RPS6KA2: variants seen among roughly 807,000 people sequenced by gnomAD.
RPS6KA2 encodes ribosomal protein S6 kinase A2.
In RPS6KA2, 42 loss-of-function variants were observed where a neutral mutation model predicts 91.8. The ratio of observed to expected loss-of-function variants is 0.46; its 90% CI spans 0.36 to 0.59. RPS6KA2 has a LOEUF of 0.59. RPS6KA2 is among the 20% of genes least tolerant of loss of function. The probability of loss-of-function intolerance (pLI) is 0.00; values close to 1 mark genes in which losing one functional copy is unlikely to be tolerated. For missense variants in RPS6KA2, 798 were observed against 978.5 expected (o/e 0.82, Z 2.46); for synonymous variants, 414 against 393.6 (o/e 1.05, Z -0.61).
intron 2 of RPS6KA2, among the ~76,000 whole-genome samples, chr6:166,676,715 C>T (rs1274853971): frequency 6.6e-6 from 1 of 152,358 alleles, no homozygotes; most frequent in African/African-American, 2.4e-5. Flanking sequence ...CATGTTTCCA[C>T]AGCACTTACC....
At position 166,737,952 on chromosome 6, in the gene RPS6KA2, C is replaced by T. The variant is rs943577703; in HGVS notation, c.123+120248G>A. Among the ~76,000 whole-genome samples the T allele has an allele frequency of 3.9e-5, 6 of 152,170 alleles. No homozygotes were observed. The highest frequency in any genetic ancestry group is 7.2e-5 in the African/African-American group (3 of 41,436). ...AAGTAAAATAAAAATGTCATGCCATCGCTCAGAGAGAATCCTTTTAATATT... is the reference window on the plus strand; with the variant it reads ...AAGTAAAATAAAAATGTCATGCCATTGCTCAGAGAGAATCCTTTTAATATT... On this transcript the variant is annotated intron_variant, in intron 2 of 21. Coordinates refer to the RPS6KA2 transcript ENST00000503859. The surrounding 1 kb of genome is among the most constrained non-coding windows in gnomAD (Gnocchi z 4.3).
intron 14 of RPS6KA2, among the ~76,000 whole-genome samples, chr6:166,447,116 C>A (rs1779705944): frequency 6.6e-6 from 1 of 152,168 alleles, no homozygotes; most frequent in African/African-American, 2.4e-5. Flanking sequence ...CCAATCTCAA[C>A]AATCCAAATC....
rs922987280 is a variant in RPS6KA2, at chr6:166,508,992, T to C, written c.380-710A>G. ...GCTGCTGTGACGATGGTTGCTGCAG[T>C]GGCACTGGTGAGGCACCGCGTGGCA... On this transcript the variant is annotated intron_variant, in intron 4 of 20. Transcript: ENST00000265678. The surrounding 1 kb of genome is among the most constrained non-coding windows in gnomAD (Gnocchi z 4.3). Among the ~76,000 whole-genome samples the C allele has an allele frequency of 3.9e-5, 6 of 152,210 alleles. No individual in the cohort carries two copies. Among genetic ancestry groups the C allele is most frequent in the Non-Finnish European group, 1.5e-5 (1 of 68,030 alleles).
intron 3 of RPS6KA2, among the ~76,000 whole-genome samples, chr6:166,529,532 G>A (rs11962068): frequency 0.19 from 28,145 of 151,670 alleles, 2,779 homozygotes; most frequent in South Asian, 0.25. Flanking sequence ...TAACAAACCT[G>A]CACGTTGTGC....
chr6:166,427,853 A>G (rs1583118992), intron 16 of RPS6KA2, among the ~76,000 whole-genome samples: 1 of 152,382 alleles, frequency 6.6e-6, no homozygotes, highest in East Asian at 1.9e-4. Flanking sequence ...AAGAATCAAT[A>G]TCGTGAAAAT....
At chr6:166,484,857 G>A (rs1197167910) in intron 10 of RPS6KA2, among the ~76,000 whole-genome samples, 1 of 152,208 alleles carries the variant, frequency 6.6e-6, no homozygotes, top group East Asian at 1.9e-4. Context: ...CAATTCCTAT[G>A]GATACATCTG....
chr6:166,731,862 C>T (rs561335563), intron 2 of RPS6KA2, among the ~76,000 whole-genome samples: 2 of 152,168 alleles, frequency 1.3e-5, no homozygotes, highest in East Asian at 3.9e-4. Context: ...TAAAGGACTC[C>T]CCCGGGGCCA....
At chr6:166,504,267 G>A (rs1351710526) in intron 6 of RPS6KA2, among the ~76,000 whole-genome samples, 2 of 152,200 alleles carry the variant, frequency 1.3e-5, no homozygotes, top group African/African-American at 2.4e-5. Flanking sequence ...TCCCTCAGGC[G>A]TTATGAGTGT....
Position 166,409,819 on chromosome 6 carries a change from T to G in RPS6KA2, c.*2943A>C, listed in dbSNP as rs1238715553. ...GTTAGGTAAAAATCCCAAGTGCAGC[T>G]TTAGGATAACACCATTTAATGAACA... On this transcript the variant is annotated 3_prime_UTR_variant, in exon 21 of 21. Transcript: ENST00000265678. The G allele has an allele frequency of 2.0e-5, 3 of 152,646 alleles. No homozygotes were observed. The highest frequency in any genetic ancestry group is 7.2e-5 in the African/African-American group (3 of 41,458). The allele number at this position is 152,646 out of a possible 1,614,324, so 9.5% of individuals were successfully genotyped here. A position where few individuals can be genotyped will look rare whatever the true frequency, so the allele number is the denominator to read the frequency against.
At chr6:166,827,722 G>A (rs1780084680) in intron 2 of RPS6KA2, among the ~76,000 whole-genome samples, 1 of 152,176 alleles carries the variant, frequency 6.6e-6, no homozygotes, top group South Asian at 2.1e-4. Flanking sequence ...GAATTAGACT[G>A]TCTGTTGTAA....
chr6:166,637,947 G>A (rs1787300675), intron 2 of RPS6KA2, among the ~76,000 whole-genome samples: 1 of 152,268 alleles, frequency 6.6e-6, no homozygotes, highest in Non-Finnish European at 1.5e-5. Flanking sequence ...CCCTGGATGA[G>A]GAATCGTGGT....
chr6:166,834,828 CTAT>C (rs145282107), intron 2 of RPS6KA2, among the ~76,000 whole-genome samples: 86,982 of 144,570 alleles, frequency 0.6, 25,403 homozygotes, highest in Middle Eastern at 0.69. Context: ...GTATGGCGTC[CTAT>C]TATTTATTTA....
chr6:166,544,612 G>A (rs1583263855), intron 1 of RPS6KA2: 1 of 152,198 alleles, frequency 6.6e-6, no homozygotes, highest in South Asian at 2.1e-4. Flanking sequence ...TTCAAGGGAC[G>A]AGAATTCAGA....
chr6:166,751,978 T>TGG (rs1791300510), intron 2 of RPS6KA2, among the ~76,000 whole-genome samples: 1 of 151,958 alleles, frequency 6.6e-6, no homozygotes, highest in African/African-American at 2.4e-5. Flanking sequence ...GAAGCCAGAC[T>TGG]CCTTGGAGAA....
At chr6:166,862,462 T>G (rs925158102) in exon 1 of RPS6KA2, 14 of 1,107,672 alleles carry the variant, frequency 1.3e-5, no homozygotes, top group Non-Finnish European at 1.7e-5. Flanking sequence ...CCGCTCGGGC[T>G]GGGGCGAGGA....
In RPS6KA2 at chr6:166,523,973, G is replaced by A. The variant is rs566094633; in HGVS notation, c.298+7259C>T. 3.9e-5 allele frequency among the ~76,000 whole-genome samples: 6 copies of A among 152,256 alleles called. No individual in the cohort carries two copies. In the South Asian group the frequency reaches 8.3e-4, roughly 21 times the overall value. Reference sequence around the variant, plus strand: ...CTGCAGTGATCCCATCTTACAGGACGTGCTCCACTGCTTACAGGAAGGACA... The same window carrying A: ...CTGCAGTGATCCCATCTTACAGGACATGCTCCACTGCTTACAGGAAGGACA... On this transcript the variant is annotated intron_variant, in intron 3 of 20. Transcript: ENST00000265678.
rs766919757 is a variant in RPS6KA2, at chr6:166,419,457, A to G, written c.1820+425T>C. On this transcript the variant is annotated intron_variant, in intron 18 of 20. Coordinates refer to ENST00000265678, the MANE Select transcript of RPS6KA2 (RefSeq NM_021135.6). The surrounding 1 kb of genome is among the most constrained non-coding windows in gnomAD (Gnocchi z 5.6). Reference sequence around the variant, plus strand: ...CTGTAACACCACGTGTCTTACCACAATGAACCGGCCCGTGCATGACTCATG... The same window carrying G: ...CTGTAACACCACGTGTCTTACCACAGTGAACCGGCCCGTGCATGACTCATG... Among the ~76,000 whole-genome samples the G allele has an allele frequency of 7.9e-5, 12 of 152,202 alleles. No homozygotes were observed. Among genetic ancestry groups the G allele is most frequent in the Non-Finnish European group, 1.3e-4 (9 of 68,040 alleles).
At position 166,556,020 on chromosome 6, in the gene RPS6KA2, C is replaced by T. The variant is rs547207587; in HGVS notation, c.100-17236G>A. ...GCTCAGGACTGGAGTGAAAGGGCCA[C>T]GGCTAGAAGCCCTGGGGTAAGAAGA... On this transcript the variant is annotated intron_variant, in intron 1 of 20. Coordinates refer to ENST00000265678, the MANE Select transcript of RPS6KA2 (RefSeq NM_021135.6). Among the ~76,000 whole-genome samples the T allele has an allele frequency of 5.3e-4, 81 of 152,254 alleles. 1 individual carries two copies. The highest frequency in any genetic ancestry group is 4.8e-5 in the African/African-American group (2 of 41,550).
chr6:166,430,358 G>A (rs567902063), intron 16 of RPS6KA2, 95 bp downstream of exon 16: 25 of 1,095,120 alleles, frequency 2.3e-5, no homozygotes, highest in South Asian at 1.2e-4. Flanking sequence ...AGGACAATCC[G>A]CGTTCTCAGC....
Sources: gnomAD v4.1 joint callset for allele counts (sites outside exome capture counted in the v4.1 genomes callset) on GRCh38, gnomAD v4.1.1 for gene constraint, Gnocchi (gnomAD v3.1) non-coding constraint, MANE v1.5 for transcripts, NCBI Gene and HGNC (gene_info 2026-07-23, HGNC 2026-07-21) for gene names.